Variants in ATP8B1 observed in about 807,000 individuals in gnomAD.
ATP8B1 encodes ATPase phospholipid transporting 8B1, also known as phospholipid-transporting ATPase IC.
ATP8B1 carries 80 observed loss-of-function variants against 149.9 expected under a neutral mutation model. The observed-to-expected ratio is 0.53, with a 90% CI of 0.45 to 0.64. ATP8B1 has a LOEUF of 0.64. ATP8B1 is among the 30% of genes least tolerant of loss of function. The probability of loss-of-function intolerance (pLI) is 0.00; values close to 1 mark genes in which losing one functional copy is unlikely to be tolerated. For missense variants in ATP8B1, 1,247 were observed against 1,552.6 expected, an observed-to-expected ratio of 0.80 and a Z score of 3.31; for synonymous variants, 536 against 562.8, an observed-to-expected ratio of 0.95 and a Z score of 0.67.
chr18:57,695,030 A>C, intron 10 of ATP8B1, 141 bp downstream of exon 10: 1 of 49,712 alleles, frequency 2.0e-5, no homozygotes, highest in Non-Finnish European at 4.3e-5. Flanking sequence ...ACTCTGTCTC[A>C]AAAAAAAAAA....
intron 1 of ATP8B1, among the ~76,000 whole-genome samples, chr18:57,763,287 G>T (rs959989308): frequency 6.6e-6 from 1 of 152,062 alleles, no homozygotes; most frequent in Non-Finnish European, 1.5e-5. Context: ...AGCTACTAGG[G>T]AGGCTAAGGC....
intron 1 of ATP8B1, among the ~76,000 whole-genome samples, chr18:57,794,034 AT>A (rs1410342688): frequency 1.3e-5 from 2 of 152,214 alleles, no homozygotes; most frequent in Non-Finnish European, 2.9e-5. Context: ...TCGCCAAGAG[AT>A]TAACCATGTT....
At chr18:57,689,007 C>G (rs755999351) in intron 12 of ATP8B1, among the ~76,000 whole-genome samples, 1 of 152,206 alleles carries the variant, frequency 6.6e-6, no homozygotes, top group African/African-American at 2.4e-5. Context: ...TAACCACATG[C>G]ATCATTCTCA....
intron 13 of ATP8B1, 84 bp downstream of exon 13, chr18:57,688,215 G>A: frequency 6.9e-7 from 1 of 1,441,534 alleles, no homozygotes. Context: ...AGCAATGCCA[G>A]GAGACAGGCT....
intron 2 of ATP8B1, among the ~76,000 whole-genome samples, chr18:57,720,892 G>A (rs1304442251): frequency 6.6e-6 from 1 of 151,590 alleles, no homozygotes; most frequent in Admixed American, 6.6e-5. Context: ...ACTAACAGCG[G>A]ATCTCTCGGC....
chr18:57,647,034 A>G lies in ATP8B1; in HGVS notation c.*1454T>C, dbSNP rs185673102. 23 of 152,336 alleles carry G rather than the reference A, an allele frequency of 1.5e-4. No individual in the cohort carries two copies. In the East Asian group the frequency reaches 4.0e-3, roughly 27 times the overall value. The allele number at this position is 152,336 out of a possible 1,614,324, so 9.4% of individuals were successfully genotyped here. On this transcript the variant is annotated 3_prime_UTR_variant, in exon 28 of 28. Transcript: ENST00000648908. ...CCCAGTCTTAGGAATGTGGCTGCCA[A>G]TAACCTTTTCTCTCGACATAAGACA...
rs201487873 is a variant in ATP8B1, at chr18:57,725,262, G to A, written c.181+6365C>T. 1.3e-3 allele frequency among the ~76,000 whole-genome samples: 189 copies of A among 141,304 alleles called. 2 individuals carry two copies. The East Asian group carries it at 0.032, about 24-fold the overall frequency. 92.7% of individuals were successfully genotyped at this position (141,304 alleles called of 152,430 possible). ...AACTTAAAGTATAATAAAAAAAAAA[G>A]AAAAAAAATAATCCCATTTATAATA... On this transcript the variant is annotated intron_variant, in intron 2 of 27. Transcript: ENST00000648908.
chr18:57,754,348 G>T (rs907432583), intron 1 of ATP8B1, among the ~76,000 whole-genome samples: 1 of 152,018 alleles, frequency 6.6e-6, no homozygotes. Flanking sequence ...TGAGGCAGGA[G>T]AATTGCTTGA....
At position 57,731,609 on chromosome 18, in the gene ATP8B1, G is replaced by A. The variant is rs372736754; in HGVS notation, c.181+18C>T. 2.6e-5 allele frequency: 42 copies of A among 1,613,268 alleles called. No homozygotes were observed. Among genetic ancestry groups the A allele is most frequent in the Admixed American group, 8.4e-5 (5 of 59,850 alleles). ...AGGATTTATAAGCGACCTAGTCACC[G>A]GGACTTCATGTGGTTACCTTTTCTG... is the stretch of plus-strand genomic sequence containing the variant. On this transcript the variant is annotated intron_variant, in intron 2 of 27. Transcript: ENST00000648908.
At chr18:57,756,440 A>G (rs1449059358) in intron 1 of ATP8B1, among the ~76,000 whole-genome samples, 4 of 151,120 alleles carry the variant, frequency 2.6e-5, no homozygotes, top group African/African-American at 9.8e-5. Context: ...AGCTGGGATT[A>G]CAGGCGCCTG....
chr18:57,702,574 T>C lies in ATP8B1; in HGVS notation c.394-1261A>G, dbSNP rs111688762. On this transcript the variant is annotated intron_variant, in intron 4 of 27. Transcript: ENST00000648908. ...ATTGCTGACCTTAAGAGAAGATAAC[T>C]GCGCCAGGCACGGTAGCTCATGCTT... Among the ~76,000 whole-genome samples the C allele has an allele frequency of 8.4e-3, 1,279 of 152,310 alleles. 21 individuals are homozygous for C. The highest frequency in any genetic ancestry group is 0.029 in the African/African-American group (1,221 of 41,566).
At chr18:57,686,700 T>A (rs1383884452) in intron 13 of ATP8B1, among the ~76,000 whole-genome samples, 3 of 152,186 alleles carry the variant, frequency 2.0e-5, no homozygotes, top group Non-Finnish European at 4.4e-5. Flanking sequence ...ATTACAGGCA[T>A]GAGCCACTGT....
chr18:57,698,705 C>T (rs1912959265), intron 6 of ATP8B1, among the ~76,000 whole-genome samples: 1 of 151,894 alleles, frequency 6.6e-6, no homozygotes, highest in Non-Finnish European at 1.5e-5. Flanking sequence ...TGAGGCTACA[C>T]TCAAATTGGA....
chr18:57,682,872 T>C (rs945703030), intron 15 of ATP8B1, among the ~76,000 whole-genome samples: 1 of 152,248 alleles, frequency 6.6e-6, no homozygotes, highest in Middle Eastern at 3.4e-3. Context: ...AGGGTCTCAC[T>C]CCATCACCGA....
chr18:57,794,407 A>T (rs1262948242), intron 1 of ATP8B1, among the ~76,000 whole-genome samples: 1 of 151,122 alleles, frequency 6.6e-6, no homozygotes, highest in Non-Finnish European at 1.5e-5. Context: ...TACAGTCTGT[A>T]ACTGACCTTT....
chr18:57,761,061 TAACATAAAATAAAA>T (rs1179613770), intron 1 of ATP8B1, among the ~76,000 whole-genome samples: 1 of 133,672 alleles, frequency 7.5e-6, no homozygotes, highest in Non-Finnish European at 1.6e-5. Flanking sequence ...TAACATAAAA[TAACATAAAATAAAA>T]TAAATAAAAT....
intron 2 of ATP8B1, among the ~76,000 whole-genome samples, chr18:57,724,644 CT>C: frequency 6.7e-6 from 1 of 148,246 alleles, no homozygotes; most frequent in South Asian, 2.2e-4. Flanking sequence ...CACTTTTACA[CT>C]GTTGGTGGGA....
At position 57,697,774 on chromosome 18, in the gene ATP8B1, AAG is replaced by A; in HGVS notation, c.627+19_627+20del. 6.2e-7 allele frequency: 1 copy of A among 1,613,154 alleles called. No individual in the cohort carries two copies. Among genetic ancestry groups the A allele is most frequent in the South Asian group, 1.1e-5 (1 of 91,060 alleles). ...GCTGGGGGAGAACAAGGAACAAGAG[AAG>A]CAGAATTTGTTCACTTACTGGAACA... On this transcript the variant is annotated intron_variant, in intron 7 of 27. Coordinates refer to ENST00000648908, the MANE Select transcript of ATP8B1 (RefSeq NM_001374385.1).
chr18:57,744,043 G>C (rs1313008931), intron 1 of ATP8B1, among the ~76,000 whole-genome samples: 1 of 152,130 alleles, frequency 6.6e-6, no homozygotes, highest in Non-Finnish European at 1.5e-5. Flanking sequence ...GGCCGAACGC[G>C]GTGGCTCACA....
Sources: gnomAD v4.1 joint callset for allele counts (sites outside exome capture counted in the v4.1 genomes callset) on GRCh38, gnomAD v4.1.1 for gene constraint, MANE v1.5 for transcripts, NCBI Gene and HGNC (gene_info 2026-07-23, HGNC 2026-07-21) for gene names.